POMT2: variants seen among roughly 807,000 people sequenced by gnomAD.
POMT2 encodes the protein protein O-mannosyl-transferase 2.
In POMT2, 75 loss-of-function variants were observed where a neutral mutation model predicts 100.0. That is an observed-to-expected ratio of 0.75 (90% CI 0.62 to 0.91). The LOEUF (loss-of-function observed/expected upper bound fraction) is 0.91, where lower values mean the gene tolerates loss of function less well. Ranked by LOEUF, POMT2 falls within the 40% of genes least tolerant of loss-of-function variation. The pLI is 0.00. For missense variants in POMT2, 940 were observed against 955.1 expected (o/e 0.98, Z 0.21); for synonymous variants, 378 against 374.1 (o/e 1.01, Z -0.12).
Position 77,320,872 on chromosome 14 carries a change from G to T in POMT2, c.-191C>A. 1 of 1,213,340 alleles carries T rather than the reference G, an allele frequency of 8.2e-7. No homozygotes were observed. Among genetic ancestry groups the T allele is most frequent in the South Asian group, 2.0e-5 (1 of 50,480 alleles). The allele number at this position is 1,213,340 out of a possible 1,614,324, so 75.2% of individuals were successfully genotyped here. On this transcript the variant is annotated 5_prime_UTR_variant, in exon 1 of 21. Coordinates refer to ENST00000261534, the MANE Select transcript of POMT2 (RefSeq NM_013382.7). ...GTCGCGGCCCGGGCCGCTAGGAGGCGGCAGGAGGCGCAGAGCATGTCGGGA... is the reference window on the plus strand; with the variant it reads ...GTCGCGGCCCGGGCCGCTAGGAGGCTGCAGGAGGCGCAGAGCATGTCGGGA...
chr14:77,277,495 C>T lies in POMT2; in HGVS notation c.2148-14G>A, dbSNP rs923000813. On this transcript the variant is annotated splice_polypyrimidine_tract_variant and intron_variant, in intron 20 of 20. Coordinates refer to ENST00000261534, the MANE Select transcript of POMT2 (RefSeq NM_013382.7). ...AAGAGGTAGAAGCTGTGAGAGAGAA[C>T]CAGTAGGAGGCAGTTGGCACCCCCA... 9 of 1,591,828 alleles carry T rather than the reference C, an allele frequency of 5.7e-6. No individual in the cohort carries two copies. The highest frequency in any genetic ancestry group is 4.0e-5 in the African/African-American group (3 of 74,372).
At chr14:77,290,229 A>G (rs1375077574) in intron 10 of POMT2, among the ~76,000 whole-genome samples, 1 of 152,234 alleles carries the variant, frequency 6.6e-6, no homozygotes, top group African/African-American at 2.4e-5. Flanking sequence ...GAATGTTCAA[A>G]GACTTGGTTC....
intron 2 of POMT2, among the ~76,000 whole-genome samples, chr14:77,308,437 C>A (rs937080400): frequency 6.8e-6 from 1 of 146,010 alleles, no homozygotes; most frequent in African/African-American, 2.5e-5. Flanking sequence ...CTCACTGCAA[C>A]CTCCGCCTCC....
Position 77,280,282 on chromosome 14 carries a change from A to C in POMT2, c.1725+110T>G, listed in dbSNP as rs140429416. ...CTCCCACCTCTGGCCAACCCATCCC[A>C]GGAGGCCCCTCGCCCTGCCGCCCTA... On this transcript the variant is annotated intron_variant, in intron 16 of 20. Coordinates refer to ENST00000261534, the MANE Select transcript of POMT2 (RefSeq NM_013382.7). 2.2e-4 allele frequency: 343 copies of C among 1,571,622 alleles called. No homozygotes were observed. In the African/African-American group the frequency reaches 3.4e-3, roughly 15 times the overall value.
chr14:77,302,144 G>T (rs1410181769), intron 5 of POMT2, among the ~76,000 whole-genome samples: 4 of 152,190 alleles, frequency 2.6e-5, no homozygotes, highest in African/African-American at 9.7e-5. Context: ...TTAACTTCCA[G>T]AAAAGCCTAC....
At chr14:77,312,718 A>G (rs948771754) in intron 1 of POMT2, 2 of 152,210 alleles carry the variant, frequency 1.3e-5, no homozygotes, top group African/African-American at 4.8e-5. Flanking sequence ...AATTAAAAAA[A>G]GTTTCTTCCA....
At chr14:77,313,786 C>T (rs1239973464) in intron 1 of POMT2, among the ~76,000 whole-genome samples, 3 of 152,186 alleles carry the variant, frequency 2.0e-5, no homozygotes, top group Admixed American at 2.0e-4. Context: ...TGGCTCACTG[C>T]ACTTTTCACC....
chr14:77,279,431 C>CA (rs1890118724), intron 18 of POMT2: 1 of 439,290 alleles, frequency 2.3e-6, no homozygotes. Context: ...GGCCATGGAA[C>CA]AAGGAGGTGG....
intron 5 of POMT2, among the ~76,000 whole-genome samples, 198 bp downstream of exon 5, chr14:77,302,637 C>A (rs920940829): frequency 6.6e-6 from 1 of 152,156 alleles, no homozygotes; most frequent in African/African-American, 2.4e-5. Flanking sequence ...AATAAAATCA[C>A]CTGTAGAAAA....
rs578235269 is a variant in POMT2, at chr14:77,285,715, G to C, written c.1333-83C>G. ...TGTCAGAAAGGGAAATGGCCACCCA[G>C]ATGCCACCATGTTATGAAGGTCAAA... On this transcript the variant is annotated intron_variant, in intron 12 of 20. Transcript: ENST00000261534. The C allele has an allele frequency of 5.1e-5, 76 of 1,482,628 alleles. 1 individual carries two copies. The South Asian group carries it at 8.2e-4, about 16-fold the overall frequency. The allele number at this position is 1,482,628 out of a possible 1,614,324, so 91.8% of individuals were successfully genotyped here.
chr14:77,300,090 C>A, intron 6 of POMT2: 1 of 211,638 alleles, frequency 4.7e-6, no homozygotes, highest in South Asian at 8.4e-5. Context: ...CCATTGACCA[C>A]AGAGGGTGGG....
At chr14:77,292,162 G>T (rs929703972) in intron 9 of POMT2, among the ~76,000 whole-genome samples, 8 of 152,046 alleles carry the variant, frequency 5.3e-5, no homozygotes, top group African/African-American at 1.9e-4. Context: ...TTTAACTCAC[G>T]TTTTATACAA....
In POMT2 at chr14:77,288,826, G is replaced by C. The variant is rs368596603; in HGVS notation, c.1189C>G (p.Leu397Val). The C allele has an allele frequency of 5.0e-6, 8 of 1,613,822 alleles. No homozygotes were observed. The highest frequency in any genetic ancestry group is 6.8e-6 in the Non-Finnish European group (8 of 1,179,870). Residue 397 changes from leucine to valine, a missense_variant, in exon 11 of 21, where the codon CTA becomes GTA. Coordinates refer to ENST00000261534, the MANE Select transcript of POMT2 (RefSeq NM_013382.7). ...IKKHNTNSDP[L>V]DPSFPVEFVR... ...AACTCCACTGGGAAGGAAGGGTCTA[G>C]GGGATCTGCCAAAAAGAAACAAGCA...
At chr14:77,279,698 G>T in intron 18 of POMT2, 125 bp downstream of exon 18, 1 of 957,546 alleles carries the variant, frequency 1.0e-6, no homozygotes. Flanking sequence ...CAAAAGCAAA[G>T]GATAAGGGAA....
intron 1 of POMT2, among the ~76,000 whole-genome samples, chr14:77,314,040 C>T (rs1408677033): frequency 1.3e-5 from 2 of 152,146 alleles, no homozygotes; most frequent in African/African-American, 2.4e-5. Flanking sequence ...AAAAGTTTCC[C>T]AAGTAAAACC....
In POMT2 at chr14:77,320,636, G is replaced by A. The variant is rs747944127; in HGVS notation, c.46C>T (p.Pro16Ser). The A allele has an allele frequency of 3.1e-6, 5 of 1,592,722 alleles. No homozygotes were observed. Among genetic ancestry groups the A allele is most frequent in the Admixed American group, 1.7e-5 (1 of 59,670 alleles). ...TGGGGGCCACAGCGGCCCCTCCGGGGACGCAGCTCGGACTCTGCCAGGCCT... is the reference window on the plus strand; with the variant it reads ...TGGGGGCCACAGCGGCCCCTCCGGGAACGCAGCTCGGACTCTGCCAGGCCT... The part of the protein sequence containing the change: ...GGGLAESELR[P>S]RRGRCGPQAA... Residue 16 changes from proline (P) to serine (S), a missense_variant, in exon 1 of 21, where the codon CCC becomes TCC. Transcript: ENST00000261534.
intron 4 of POMT2, among the ~76,000 whole-genome samples, chr14:77,304,196 G>A (rs1450349160): frequency 6.6e-6 from 1 of 152,122 alleles, no homozygotes; most frequent in African/African-American, 2.4e-5. Context: ...CTAGCAACAG[G>A]ATCAACTTCT....
At chr14:77,288,055 A>G (rs1890499638) in intron 11 of POMT2, among the ~76,000 whole-genome samples, 1 of 152,230 alleles carries the variant, frequency 6.6e-6, no homozygotes. Flanking sequence ...ATGGGGAAGG[A>G]TAACTTAATA....
intron 13 of POMT2, 40 bp downstream of exon 13, chr14:77,285,441 C>G (rs747206954): frequency 6.2e-7 from 1 of 1,613,202 alleles, no homozygotes; most frequent in Non-Finnish European, 8.5e-7. Flanking sequence ...AAAGGAAAAT[C>G]AGGACCCTCG....
Sources: allele counts gnomAD v4.1 joint callset (sites outside exome capture counted in the v4.1 genomes callset), GRCh38; gene constraint gnomAD v4.1.1; transcripts MANE v1.5; gene names NCBI Gene and HGNC (gene_info 2026-07-23, HGNC 2026-07-21).